Variants in CD99 observed in about 807,000 individuals in gnomAD.
The protein encoded by CD99 is CD99 antigen.
CD99 carries 19 observed loss-of-function variants against 28.4 expected under a neutral mutation model. The ratio of observed to expected loss-of-function variants is 0.67; its 90% CI spans 0.47 to 0.98. The LOEUF is 0.98. Among genes scored for constraint, CD99 ranks in the 50% least tolerant of loss-of-function variants. CD99 has a pLI of 0.00. For missense variants in CD99, 283 were observed against 248.8 expected (o/e 1.14, Z -0.92); for synonymous variants, 103 against 92.1 (o/e 1.12, Z -0.67).
chrX:2,706,665 T>C (rs1294014726), intron 1 of CD99, among the ~76,000 whole-genome samples: 1 of 151,988 alleles, frequency 6.6e-6, no homozygotes, highest in East Asian at 1.9e-4. Context: ...CCACCCTTAA[T>C]GGAGATGAAC....
intron 1 of CD99, among the ~76,000 whole-genome samples, chrX:2,709,610 G>A (rs967283390): frequency 2.6e-5 from 4 of 152,228 alleles, no homozygotes; most frequent in Non-Finnish European, 5.9e-5. Context: ...GCACACACGT[G>A]CACACACAGA....
intron 1 of CD99, among the ~76,000 whole-genome samples, chrX:2,694,323 C>G (rs1003246716): frequency 2.4e-4 from 37 of 151,640 alleles, no homozygotes; most frequent in African/African-American, 8.7e-4. Flanking sequence ...TGTCTCCTGC[C>G]CCTGTGGGTG....
chrX:2,695,110 A>G (rs546763620), intron 1 of CD99, among the ~76,000 whole-genome samples: 1 of 151,612 alleles, frequency 6.6e-6, no homozygotes, highest in Non-Finnish European at 1.5e-5. Flanking sequence ...TGTTCTGAGC[A>G]CTCTTGTTAC....
intron 1 of CD99, among the ~76,000 whole-genome samples, chrX:2,711,396 ATAGT>A (rs1176300872): frequency 7.5e-6 from 1 of 132,604 alleles, no homozygotes; most frequent in Non-Finnish European, 1.6e-5. Context: ...ATGTGTATAT[ATAGT>A]ATGTGTGTGT....
intron 2 of CD99, among the ~76,000 whole-genome samples, chrX:2,716,960 T>C (rs1233297218): frequency 6.6e-6 from 1 of 152,132 alleles, no homozygotes; most frequent in Non-Finnish European, 1.5e-5. Context: ...CATGCATAGA[T>C]CTCGGGCTCT....
At chrX:2,723,212 G>A (rs1224350175) in intron 6 of CD99, 102 bp from the exon 7 acceptor site, 93 of 1,167,448 alleles carry the variant, frequency 8.0e-5, no homozygotes, top group Non-Finnish European at 1.0e-4. Context: ...ATGTACCCCC[G>A]TAGAGTGTAA....
chrX:2,722,130 TA>T (rs921621705), intron 5 of CD99, among the ~76,000 whole-genome samples: 175 of 143,630 alleles, frequency 1.2e-3, no homozygotes, highest in African/African-American at 3.3e-3. Flanking sequence ...CTTTTAAAAT[TA>T]AAAAAAAAAA....
intron 8 of CD99, chrX:2,727,378 G>T (rs376117764): frequency 2.6e-6 from 2 of 775,464 alleles, no homozygotes; most frequent in Non-Finnish European, 4.8e-6. Context: ...CACAGCTAAC[G>T]TGCATGCATC....
chrX:2,700,261 C>T (rs1293494485), intron 1 of CD99, among the ~76,000 whole-genome samples: 2 of 152,128 alleles, frequency 1.3e-5, no homozygotes, highest in East Asian at 3.8e-4. Context: ...AAGAGAACTC[C>T]CTTGAATCCT....
intron 7 of CD99, among the ~76,000 whole-genome samples, chrX:2,725,713 A>G (rs2049244359): frequency 6.6e-6 from 1 of 152,154 alleles, no homozygotes. Context: ...TCCCAGGTTC[A>G]AGCGATTCTC....
intron 5 of CD99, among the ~76,000 whole-genome samples, chrX:2,722,119 A>T (rs2049018206): frequency 6.6e-6 from 1 of 151,360 alleles, no homozygotes; most frequent in Non-Finnish European, 1.5e-5. Flanking sequence ...TCATGACTTT[A>T]CTTTTAAAAT....
At chrX:2,730,709 GAAAAT>G (rs963986228) in intron 8 of CD99, among the ~76,000 whole-genome samples, 10 of 152,086 alleles carry the variant, frequency 6.6e-5, no homozygotes, top group African/African-American at 1.2e-4. Context: ...GGGCCAAAAA[GAAAAT>G]AAAATAAAGT....
chrX:2,714,536 A>G, intron 2 of CD99, 82 bp downstream of exon 2: 2 of 1,236,536 alleles, frequency 1.6e-6, no homozygotes, highest in South Asian at 1.3e-5. Context: ...AGCCATTTCC[A>G]GCTAGGTTCT....
At chrX:2,718,814 T>G (rs2048864349) in intron 3 of CD99, among the ~76,000 whole-genome samples, 1 of 152,184 alleles carries the variant, frequency 6.6e-6, no homozygotes, top group Non-Finnish European at 1.5e-5. Flanking sequence ...CACTGTCTTG[T>G]CTTAGCACTT....
intron 6 of CD99, 53 bp downstream of exon 6, chrX:2,722,727 C>T: frequency 6.5e-7 from 1 of 1,533,610 alleles, no homozygotes; most frequent in Non-Finnish European, 9.0e-7. Flanking sequence ...ATGATGCCCA[C>T]CTGCTCTGTA....
At chrX:2,722,708 C>G in intron 6 of CD99, 34 bp downstream of exon 6, 1 of 1,608,056 alleles carries the variant, frequency 6.2e-7, no homozygotes, top group Non-Finnish European at 8.5e-7. Context: ...TCTTTTCTCT[C>G]TCCATCCCAT....
chrX:2,739,317 A>G (rs1020899568), intron 9 of CD99, among the ~76,000 whole-genome samples: 8 of 152,136 alleles, frequency 5.3e-5, no homozygotes, highest in African/African-American at 1.7e-4. Context: ...GTGTGTGTGT[A>G]TATGTGCGTG....
chrX:2,733,497 C>A, intron 8 of CD99: 1 of 1,008,944 alleles, frequency 9.9e-7, no homozygotes, highest in Non-Finnish European at 1.5e-6. Context: ...GGCAAATTCC[C>A]ACCACGATGG....
chrX:2,703,409 T>C (rs1351861181), intron 1 of CD99, among the ~76,000 whole-genome samples: 1 of 152,128 alleles, frequency 6.6e-6, no homozygotes, highest in Non-Finnish European at 1.5e-5. Context: ...CCACAATGTC[T>C]ATTCACTGCG....
Sources: gnomAD v4.1 joint callset for allele counts (sites outside exome capture counted in the v4.1 genomes callset) on GRCh38, gnomAD v4.1.1 for gene constraint, MANE v1.5 for transcripts, NCBI Gene and HGNC (gene_info 2026-07-23, HGNC 2026-07-21) for gene names.